SWI5: variants seen among roughly 807,000 people sequenced by gnomAD.
SWI5 encodes the protein DNA repair protein SWI5 homolog.
SWI5 carries 12 observed loss-of-function variants against 17.0 expected under a neutral mutation model. The ratio of observed to expected loss-of-function variants is 0.71; its 90% CI spans 0.45 to 1.14. The LOEUF (loss-of-function observed/expected upper bound fraction) is 1.14, where lower values mean the gene tolerates loss of function less well. SWI5 is among the 50% of genes most tolerant of loss of function. The probability of loss-of-function intolerance (pLI) is 0.00; values close to 1 mark genes in which losing one functional copy is unlikely to be tolerated. For synonymous variants in SWI5, 61 were observed against 64.0 expected (o/e 0.95, Z 0.22); for missense variants, 158 against 162.2 (o/e 0.97, Z 0.14).
chr9:128,288,722 C>T (rs758596791), exon 5 of SWI5: 1 of 1,614,102 alleles, frequency 6.2e-7, no homozygotes, highest in Non-Finnish European at 8.5e-7. Flanking sequence ...ACTGAGCAGG[C>T]TCATCGCCCC....
exon 5 of SWI5, chr9:128,288,849 A>G (rs1265567765): frequency 3.1e-6 from 3 of 974,518 alleles, no homozygotes; most frequent in South Asian, 1.5e-5. Context: ...TAGAGAGCCC[A>G]AGCCCAATCA....
intron 2 of SWI5, 119 bp downstream of exon 2, chr9:128,276,874 C>T (rs1014333627): frequency 1.6e-5 from 17 of 1,070,722 alleles, no homozygotes; most frequent in Non-Finnish European, 2.3e-5. Context: ...CATATCTTCT[C>T]CCAGTCGACT....
intron 2 of SWI5, chr9:128,278,648 C>A (rs1188524156): frequency 1.3e-5 from 6 of 471,646 alleles, no homozygotes; most frequent in Admixed American, 7.1e-5. Context: ...TTCCAGCAAC[C>A]TTTGAGAAGA....
chr9:128,276,753 CCT>C lies in SWI5; in HGVS notation c.110_111del (p.Pro37GlnfsTer10), dbSNP rs776900405. 4.3e-6 allele frequency: 7 copies of C among 1,610,230 alleles called. No individual in the cohort carries two copies. The South Asian group carries it at 7.7e-5, about 18-fold the overall frequency. On this transcript the variant is annotated frameshift_variant and splice_region_variant, in exon 2 of 5. Transcript: ENST00000418976. LOFTEE classifies it high-confidence loss of function. ...AAGTTGCCGCGGGGCCTTCCGATCC[CCT>C]GTGAGTATTTCTTCCCCCACACCCC...
rs753945760 is a variant in SWI5 at position 128,288,814 on chromosome 9, C to T, written c.*98C>T. 4.8e-4 allele frequency: 660 copies of T among 1,363,338 alleles called. 3 individuals are homozygous for T. The highest frequency in any genetic ancestry group is 4.5e-4 in the Admixed American group (26 of 57,350). The allele number at this position is 1,363,338 out of a possible 1,614,324, so 84.5% of individuals were successfully genotyped here. ...ACCAGCACACCTACAGAGTTTCCAG[C>T]GAGACAATGCCAGAAGCACTTTTCT... is the stretch of plus-strand genomic sequence containing the variant. On this transcript the variant is annotated 3_prime_UTR_variant, in exon 5 of 5. Transcript: ENST00000418976.
intron 2 of SWI5, among the ~76,000 whole-genome samples, chr9:128,279,824 T>A (rs1831505060): frequency 6.6e-6 from 1 of 152,122 alleles, no homozygotes; most frequent in African/African-American, 2.4e-5. Context: ...CACGGTCTGC[T>A]AGGTAACGGG....
chr9:128,288,462 G>A (rs1054737804), intron 4 of SWI5, among the ~76,000 whole-genome samples, 190 bp from the exon 5 acceptor site: 3 of 152,236 alleles, frequency 2.0e-5, no homozygotes, highest in South Asian at 2.1e-4. Flanking sequence ...GGTGGGGCCC[G>A]TGGGGGACAG....
At chr9:128,284,913 G>A (rs944032468) in intron 3 of SWI5, among the ~76,000 whole-genome samples, 7 of 139,500 alleles carry the variant, frequency 5.0e-5, no homozygotes, top group African/African-American at 1.7e-4. Context: ...CTGAGATCAC[G>A]CCACTGCACT....
chr9:128,275,866 G>A, upstream of SWI5: 2 of 1,297,580 alleles, frequency 1.5e-6, no homozygotes, highest in Admixed American at 2.1e-5. Context: ...GGGCTGGGTC[G>A]GGGGGCCGCG....
intron 2 of SWI5, among the ~76,000 whole-genome samples, chr9:128,283,162 A>C (rs1831571975): frequency 6.7e-6 from 1 of 148,590 alleles, no homozygotes; most frequent in East Asian, 1.9e-4. Context: ...TAAAAATACA[A>C]AAAAAAAAAA....
intron 2 of SWI5, among the ~76,000 whole-genome samples, chr9:128,281,028 CTTTTTTTTTTTTTTTTTT>C (rs11306272): frequency 2.7e-4 from 12 of 43,760 alleles, no homozygotes; most frequent in Non-Finnish European, 3.9e-4. Flanking sequence ...TTCAACCATG[CTTTTTTTTTTTTTTTTTT>C]TTTTTTTTTT....
chr9:128,280,060 G>C (rs1057355036), intron 2 of SWI5, among the ~76,000 whole-genome samples: 9 of 152,108 alleles, frequency 5.9e-5, no homozygotes, highest in Non-Finnish European at 1.2e-4. Context: ...ATTGATAATT[G>C]TCCATGATCA....
chr9:128,279,379 G>A (rs1296253115), intron 2 of SWI5, among the ~76,000 whole-genome samples: 1 of 152,106 alleles, frequency 6.6e-6, no homozygotes, highest in Non-Finnish European at 1.5e-5. Context: ...GGCCCAGAAT[G>A]GCTGGGCACG....
At chr9:128,276,464 T>C in intron 1 of SWI5, 62 bp downstream of exon 1, 1 of 1,588,138 alleles carries the variant, frequency 6.3e-7, no homozygotes, top group Non-Finnish European at 8.6e-7. Context: ...CCCCAGACTC[T>C]CCCTTCCCAG....
intron 4 of SWI5, among the ~76,000 whole-genome samples, chr9:128,287,141 CAAA>C (rs35520517): frequency 6.0e-5 from 3 of 50,322 alleles, no homozygotes; most frequent in Admixed American, 2.5e-4. Flanking sequence ...AACTCCATCT[CAAA>C]AAAAAAAAAA....
chr9:128,285,994 G>A lies in SWI5; in HGVS notation c.289G>A (p.Asp97Asn), dbSNP rs367776985. ...CATTACCCAGCTTCACGAGTACAATGACATCAAGGATGTGGGGCAGATGCT... is the reference window on the plus strand; with the variant it reads ...CATTACCCAGCTTCACGAGTACAATAACATCAAGGATGTGGGGCAGATGCT... Residue 97 changes from aspartate (D) to asparagine (N), a missense_variant, in exon 4 of 5, where the codon GAC becomes AAC. Physicochemically the swap from Asp to Asn is conservative, Grantham distance 23. Transcript: ENST00000418976. This position sits in a 1 kb window ranked among gnomAD's most constrained non-coding sequence, Gnocchi z 4.8. The A allele has an allele frequency of 3.5e-5, 56 of 1,613,996 alleles. No homozygotes were observed. Among genetic ancestry groups the A allele is most frequent in the Non-Finnish European group, 4.4e-5 (52 of 1,179,982 alleles).
At chr9:128,277,032 C>A (rs1283181002) in intron 2 of SWI5, among the ~76,000 whole-genome samples, 2 of 152,134 alleles carry the variant, frequency 1.3e-5, no homozygotes, top group Non-Finnish European at 2.9e-5. Context: ...TCACTCCAGT[C>A]CAGCACCAGC....
intron 1 of SWI5, 114 bp from the exon 2 acceptor site, chr9:128,276,593 C>G: frequency 6.2e-7 from 1 of 1,606,858 alleles, no homozygotes. Flanking sequence ...CCAGATGGAT[C>G]CAGTCCCTGG....
chr9:128,287,333 T>A (rs1831659069), intron 4 of SWI5, among the ~76,000 whole-genome samples: 1 of 149,780 alleles, frequency 6.7e-6, no homozygotes, highest in African/African-American at 2.5e-5. Flanking sequence ...TAATCCCAGC[T>A]ACTCAGGAGG....
Sources: gnomAD v4.1 joint callset for allele counts (sites outside exome capture counted in the v4.1 genomes callset) on GRCh38, gnomAD v4.1.1 for gene constraint, Gnocchi (gnomAD v3.1) non-coding constraint, MANE v1.5 for transcripts, NCBI Gene and HGNC (gene_info 2026-07-23, HGNC 2026-07-21) for gene names.